TMEM117: variants seen among roughly 807,000 people sequenced by gnomAD.
TMEM117 encodes the protein transmembrane protein 117.
TMEM117 carries 27 observed loss-of-function variants against 52.4 expected under a neutral mutation model. That is an observed-to-expected ratio of 0.51 (90% CI 0.38 to 0.71). The LOEUF is 0.71. TMEM117 is among the 30% of genes least tolerant of loss of function. The probability of loss-of-function intolerance (pLI) is 0.00; values close to 1 mark genes in which losing one functional copy is unlikely to be tolerated. For synonymous variants in TMEM117, 215 were observed against 206.3 expected (o/e 1.04, Z -0.36); for missense variants, 556 against 630.5 (o/e 0.88, Z 1.26).
intron 4 of TMEM117, among the ~76,000 whole-genome samples, chr12:44,158,238 A>G (rs1391827112): frequency 6.6e-6 from 1 of 152,164 alleles, no homozygotes; most frequent in Non-Finnish European, 1.5e-5. Context: ...ACAACATTTC[A>G]TTGACTTGTC....
intron 4 of TMEM117, among the ~76,000 whole-genome samples, chr12:44,194,774 T>C (rs1949396790): frequency 6.6e-6 from 1 of 152,136 alleles, no homozygotes; most frequent in South Asian, 2.1e-4. Context: ...GAGGTTGCAG[T>C]GAGCCCGGAT....
rs1230375528 is a variant in TMEM117, at chr12:44,388,826, A to G, written c.*154A>G. ...GCTCAACATGCTTTTTCTAGGATTC[A>G]TTGTTTTCTATTTGTATTATAATAC... On this transcript the variant is annotated 3_prime_UTR_variant, in exon 8 of 8. Transcript: ENST00000266534. 8.7e-6 allele frequency: 7 copies of G among 803,082 alleles called. No homozygotes were observed. Among genetic ancestry groups the G allele is most frequent in the Admixed American group, 5.8e-5 (2 of 34,570 alleles). 49.7% of individuals were successfully genotyped at this position (803,082 alleles called of 1,614,324 possible).
intron 3 of TMEM117, among the ~76,000 whole-genome samples, chr12:44,013,028 C>CT (rs112180367): frequency 1.2e-3 from 164 of 141,696 alleles, no homozygotes; most frequent in East Asian, 2.6e-3. Flanking sequence ...TTCTTTCTTG[C>CT]TTTTTTTTTT....
intron 4 of TMEM117, among the ~76,000 whole-genome samples, chr12:44,176,290 C>A (rs1219705796): frequency 6.6e-6 from 1 of 152,058 alleles, no homozygotes; most frequent in Non-Finnish European, 1.5e-5. Flanking sequence ...TGTTTTATAC[C>A]CAGCACCTAG....
the TMEM117 span, among the ~76,000 whole-genome samples, chr12:43,812,719 G>C: frequency 6.6e-6 from 1 of 152,026 alleles, no homozygotes; most frequent in Non-Finnish European, 1.5e-5. Flanking sequence ...TTTAAGAGAA[G>C]CCGAGGTCGG....
chr12:44,230,694 T>C (rs1949921191), intron 5 of TMEM117, among the ~76,000 whole-genome samples: 1 of 152,062 alleles, frequency 6.6e-6, no homozygotes, highest in Admixed American at 6.6e-5. Flanking sequence ...TCCCCTGTGC[T>C]CTTATAACTT....
At chr12:44,171,028 T>G (rs1439399488) in intron 4 of TMEM117, among the ~76,000 whole-genome samples, 1 of 149,502 alleles carries the variant, frequency 6.7e-6, no homozygotes, top group African/African-American at 2.5e-5. Context: ...TTTTTTTTTT[T>G]TTTTTGAGAC....
chr12:43,809,436 A>G, the TMEM117 span, among the ~76,000 whole-genome samples: 204 of 152,356 alleles, frequency 1.3e-3, no homozygotes, highest in Middle Eastern at 3.4e-3. Context: ...CCCATGTCTC[A>G]TGGTTGTCAT....
chr12:44,004,071 CTG>C (rs1946156825), intron 3 of TMEM117, among the ~76,000 whole-genome samples: 1 of 152,204 alleles, frequency 6.6e-6, no homozygotes, highest in Admixed American at 6.5e-5. Context: ...TCTCAATTCT[CTG>C]TTTCTGCTCA....
chr12:43,837,345 A>G (rs1298879666), intron 1 of TMEM117, among the ~76,000 whole-genome samples: 4 of 151,370 alleles, frequency 2.6e-5, no homozygotes, highest in East Asian at 1.9e-4. Flanking sequence ...TCTTTTCTTT[A>G]ATTTCTGTCT....
At chr12:43,851,879 A>G (rs1262676893) in intron 2 of TMEM117, among the ~76,000 whole-genome samples, 1 of 152,220 alleles carries the variant, frequency 6.6e-6, no homozygotes, top group African/African-American at 2.4e-5. Context: ...CTTGCTATAA[A>G]TTTTGGTAAA....
intron 2 of TMEM117, among the ~76,000 whole-genome samples, chr12:43,925,262 G>A (rs1273898475): frequency 1.3e-5 from 2 of 151,696 alleles, no homozygotes; most frequent in African/African-American, 2.4e-5. Flanking sequence ...ACTCATTGAG[G>A]GCCATCTTGT....
chr12:44,302,367 A>T (rs1950851856), intron 6 of TMEM117, among the ~76,000 whole-genome samples: 1 of 152,144 alleles, frequency 6.6e-6, no homozygotes, highest in Non-Finnish European at 1.5e-5. Context: ...TTCCACCCAG[A>T]TCAACATATT....
intron 4 of TMEM117, among the ~76,000 whole-genome samples, chr12:44,186,649 A>G (rs1949281932): frequency 6.6e-6 from 1 of 152,146 alleles, no homozygotes; most frequent in Non-Finnish European, 1.5e-5. Flanking sequence ...AGTTTCATGT[A>G]ACTTTGAGTT....
intron 3 of TMEM117, among the ~76,000 whole-genome samples, chr12:43,988,652 G>A (rs1406349779): frequency 6.6e-6 from 1 of 151,934 alleles, no homozygotes; most frequent in African/African-American, 2.4e-5. Flanking sequence ...AGTTTTGTGG[G>A]TACAATGTAT....
intron 3 of TMEM117, among the ~76,000 whole-genome samples, chr12:43,951,283 G>A (rs1032848690): frequency 1.3e-5 from 2 of 152,212 alleles, no homozygotes; most frequent in African/African-American, 2.4e-5. Context: ...TGGAACTCCA[G>A]TGAGACGCAA....
At chr12:43,963,884 G>A (rs1193501044) in intron 3 of TMEM117, among the ~76,000 whole-genome samples, 1 of 152,174 alleles carries the variant, frequency 6.6e-6, no homozygotes, top group Non-Finnish European at 1.5e-5. Context: ...TGTGTACAAT[G>A]TGAGAGAGTT....
intron 6 of TMEM117, among the ~76,000 whole-genome samples, chr12:44,313,929 G>C (rs939572359): frequency 2.0e-4 from 31 of 151,948 alleles, no homozygotes; most frequent in African/African-American, 7.2e-4. Flanking sequence ...TATAGAAATG[G>C]TACTGATTTT....
At chr12:43,890,435 A>G (rs1177222426) in intron 2 of TMEM117, among the ~76,000 whole-genome samples, 3 of 151,970 alleles carry the variant, frequency 2.0e-5, no homozygotes, top group Non-Finnish European at 4.4e-5. Context: ...GTCATTCTAG[A>G]TGGGTTTTGA....
Sources: allele counts gnomAD v4.1 joint callset (sites outside exome capture counted in the v4.1 genomes callset), GRCh38; gene constraint gnomAD v4.1.1; transcripts MANE v1.5; gene names NCBI Gene and HGNC (gene_info 2026-07-23, HGNC 2026-07-21).